The following SLC24A2 variants were observed in gnomAD, a reference collection of about 807,000 sequenced individuals.
The protein encoded by SLC24A2 is sodium/potassium/calcium exchanger 2.
SLC24A2 carries 36 observed loss-of-function variants against 62.0 expected under a neutral mutation model. That is an observed-to-expected ratio of 0.58 (90% confidence interval 0.44 to 0.77). SLC24A2 has a LOEUF of 0.77. Among genes scored for constraint, SLC24A2 ranks in the 30% least tolerant of loss-of-function variants. The pLI is 0.00. For synonymous variants in SLC24A2, 358 were observed against 294.0 expected, an observed-to-expected ratio of 1.22 and a Z score of -2.23; for missense variants, 846 against 817.9, an observed-to-expected ratio of 1.03 and a Z score of -0.42.
the SLC24A2 span, among the ~76,000 whole-genome samples, chr9:20,289,633 G>C: frequency 1.3e-5 from 2 of 152,172 alleles, no homozygotes; most frequent in African/African-American, 4.8e-5. Flanking sequence ...CAGGCCCAGA[G>C]TCAGGCGCTC....
chr9:20,123,002 T>C, the SLC24A2 span, among the ~76,000 whole-genome samples: 3 of 152,174 alleles, frequency 2.0e-5, no homozygotes, highest in African/African-American at 7.2e-5. Context: ...CGATGCTTTG[T>C]TTTCGACTCA....
rs545738476 is a variant in SLC24A2, at chr9:19,633,244, C to T, written c.931-10945G>A. Reference sequence around the variant, plus strand: ...AGTTTACCATTTTGGGCTATTGTCACGAAAGCTGCTATGAACATTCATGTA... The same window carrying T: ...AGTTTACCATTTTGGGCTATTGTCATGAAAGCTGCTATGAACATTCATGTA... On this transcript the variant is annotated intron_variant, in intron 2 of 10. Coordinates refer to ENST00000341998, the MANE Select transcript of SLC24A2 (RefSeq NM_020344.4). Among the ~76,000 whole-genome samples, 8 of 152,286 alleles carry T rather than the reference C, an allele frequency of 5.3e-5. No homozygotes were observed. The East Asian group carries it at 1.5e-3, about 29-fold the overall frequency.
At chr9:19,941,844 A>T in the SLC24A2 span, among the ~76,000 whole-genome samples, 3 of 152,260 alleles carry the variant, frequency 2.0e-5, no homozygotes, top group East Asian at 5.8e-4. Context: ...ACAAGAAAAT[A>T]CTATAAGGAA....
At chr9:20,258,706 C>T in the SLC24A2 span, among the ~76,000 whole-genome samples, 1 of 152,106 alleles carries the variant, frequency 6.6e-6, no homozygotes, top group Non-Finnish European at 1.5e-5. Flanking sequence ...TGGTCTGTCA[C>T]GGGTGTTCTC....
intron 9 of SLC24A2, among the ~76,000 whole-genome samples, chr9:19,525,765 GTTTTTTTTTT>G (rs71496823): frequency 4.0e-5 from 4 of 99,132 alleles, no homozygotes; most frequent in Admixed American, 1.1e-4. Context: ...ACATGCTACT[GTTTTTTTTTT>G]TTTTTTTTTT....
At chr9:20,177,909 G>C in the SLC24A2 span, among the ~76,000 whole-genome samples, 1 of 152,114 alleles carries the variant, frequency 6.6e-6, no homozygotes, top group Non-Finnish European at 1.5e-5. Flanking sequence ...TTGCCGAGGG[G>C]ACACGCTCAG....
the SLC24A2 span, among the ~76,000 whole-genome samples, chr9:19,874,785 T>C: frequency 6.6e-6 from 1 of 152,210 alleles, no homozygotes; most frequent in Non-Finnish European, 1.5e-5. Flanking sequence ...ATCTTAGCAA[T>C]GGAATGAAGT....
chr9:19,833,813 G>A, the SLC24A2 span, among the ~76,000 whole-genome samples: 1 of 152,228 alleles, frequency 6.6e-6, no homozygotes, highest in African/African-American at 2.4e-5. Flanking sequence ...TAGCCTAACT[G>A]GGGGGCACCC....
At chr9:19,873,330 T>G in the SLC24A2 span, among the ~76,000 whole-genome samples, 1 of 151,866 alleles carries the variant, frequency 6.6e-6, no homozygotes, top group South Asian at 2.1e-4. Flanking sequence ...TTCTCTTTCT[T>G]TCTTCTTTTC....
the SLC24A2 span, among the ~76,000 whole-genome samples, chr9:19,843,675 T>A: frequency 6.6e-6 from 1 of 152,142 alleles, no homozygotes; most frequent in Non-Finnish European, 1.5e-5. Flanking sequence ...TTGTCTCCCA[T>A]CCATCCCTCC....
intron 2 of SLC24A2, among the ~76,000 whole-genome samples, chr9:19,679,200 C>T (rs569991230): frequency 1.1e-3 from 173 of 152,176 alleles, no homozygotes; most frequent in Non-Finnish European, 2.2e-3. Flanking sequence ...CTTACCTATA[C>T]ATACCAAAGG....
intron 2 of SLC24A2, among the ~76,000 whole-genome samples, chr9:19,691,741 T>C (rs1820052620): frequency 6.6e-6 from 1 of 152,154 alleles, no homozygotes; most frequent in Non-Finnish European, 1.5e-5. Flanking sequence ...TAAAATCTTT[T>C]CAAATGTCAC....
chr9:20,287,603 T>C, the SLC24A2 span, among the ~76,000 whole-genome samples: 1 of 152,216 alleles, frequency 6.6e-6, no homozygotes, highest in Non-Finnish European at 1.5e-5. Flanking sequence ...CTGTGTCAGA[T>C]TCCTAGTGCT....
the SLC24A2 span, among the ~76,000 whole-genome samples, chr9:19,991,936 G>C: frequency 1.3e-5 from 2 of 152,136 alleles, no homozygotes; most frequent in Non-Finnish European, 2.9e-5. Flanking sequence ...AAAGCAACAG[G>C]ACTTGGGGAC....
chr9:19,902,069 A>AGCCTTAGGCCCTGTTTAT, the SLC24A2 span, among the ~76,000 whole-genome samples: 1 of 152,226 alleles, frequency 6.6e-6, no homozygotes, highest in African/African-American at 2.4e-5. Context: ...TGCCTGGCAC[A>AGCCTTAGGCCCTGTTTAT]GCCTTAGGCC....
chr9:19,930,709 C>T, the SLC24A2 span, among the ~76,000 whole-genome samples: 1 of 152,142 alleles, frequency 6.6e-6, no homozygotes, highest in Non-Finnish European at 1.5e-5. Context: ...GTTCACAGAT[C>T]CCCTGCAGAC....
chr9:19,583,300 C>T (rs947519739), intron 5 of SLC24A2, among the ~76,000 whole-genome samples: 1 of 152,206 alleles, frequency 6.6e-6, no homozygotes, highest in Non-Finnish European at 1.5e-5. Context: ...GTCCACAGAG[C>T]TTGTTCAAAT....
At chr9:20,198,246 C>T in the SLC24A2 span, among the ~76,000 whole-genome samples, 1 of 152,130 alleles carries the variant, frequency 6.6e-6, no homozygotes, top group African/African-American at 2.4e-5. Context: ...TTTCTTTTTT[C>T]TTGTTTGAAG....
At chr9:20,259,631 G>C in the SLC24A2 span, among the ~76,000 whole-genome samples, 1 of 151,976 alleles carries the variant, frequency 6.6e-6, no homozygotes, top group Non-Finnish European at 1.5e-5. Context: ...TCTCTGGAGA[G>C]AGACTTGAGA....
Sources: allele counts gnomAD v4.1 joint callset (sites outside exome capture counted in the v4.1 genomes callset), GRCh38; gene constraint gnomAD v4.1.1; transcripts MANE v1.5; gene names NCBI Gene and HGNC (gene_info 2026-07-23, HGNC 2026-07-21).